The following TMC7 variants were observed in gnomAD, a reference collection of about 807,000 sequenced individuals.
TMC7 encodes transmembrane channel-like protein 7.
A neutral mutation model predicts 82.9 loss-of-function variants in TMC7; 54 were observed. The observed-to-expected ratio is 0.65, with a 90% CI of 0.52 to 0.82. The LOEUF (loss-of-function observed/expected upper bound fraction) is 0.82. Among genes scored for constraint, TMC7 ranks in the 40% least tolerant of loss-of-function variants. The probability of loss-of-function intolerance (pLI) is 0.00; values close to 1 mark genes in which losing one functional copy is unlikely to be tolerated. For synonymous variants in TMC7, 350 were observed against 337.9 expected, an observed-to-expected ratio of 1.04 and a Z score of -0.39; for missense variants, 820 against 901.2, an observed-to-expected ratio of 0.91 and a Z score of 1.15.
rs71143826 is a variant in TMC7, at chr16:19,054,740, C to CTT, written c.1872-1781_1872-1780dup. Among the ~76,000 whole-genome samples, 476 of 63,112 alleles carry CTT rather than the reference C, an allele frequency of 7.5e-3. 1 individual carries two copies. Among genetic ancestry groups the CTT allele is most frequent in the African/African-American group, 0.012 (206 of 17,198 alleles). 41.4% of individuals were successfully genotyped at this position (63,112 alleles called of 152,430 possible). A position where few individuals can be genotyped will look rare whatever the true frequency, so the allele number is the denominator to read the frequency against. ...TCAAAAAAAAAAAGCATGGGATTTG[C>CTT]TTTTTTTTTTTTTTTTTTTTTTGAG... On this transcript the variant is annotated intron_variant, in intron 13 of 15. Transcript: ENST00000304381.
chr16:18,999,798 C>G (rs560680190), intron 1 of TMC7, among the ~76,000 whole-genome samples: 13 of 152,250 alleles, frequency 8.5e-5, no homozygotes, highest in Admixed American at 4.6e-4. Context: ...GAGTCTCGCC[C>G]TGTTGCCCAG....
chr16:19,045,062 C>T, intron 10 of TMC7, 61 bp downstream of exon 10: 2 of 1,313,576 alleles, frequency 1.5e-6, no homozygotes, highest in Non-Finnish European at 2.2e-6. Flanking sequence ...GTGTCATGGT[C>T]AAGAGAACAG....
At chr16:18,987,157 G>C (rs1180900469) in intron 1 of TMC7, among the ~76,000 whole-genome samples, 1 of 152,118 alleles carries the variant, frequency 6.6e-6, no homozygotes, top group Non-Finnish European at 1.5e-5. Flanking sequence ...TGTCATGTCA[G>C]AGAGGCAGAC....
intron 1 of TMC7, among the ~76,000 whole-genome samples, chr16:18,993,898 G>T (rs1455801946): frequency 6.6e-6 from 1 of 152,202 alleles, no homozygotes; most frequent in Non-Finnish European, 1.5e-5. Context: ...AATGATAGAT[G>T]TGGAAGATAC....
chr16:18,990,055 A>C (rs545827428), intron 1 of TMC7, among the ~76,000 whole-genome samples: 173 of 152,152 alleles, frequency 1.1e-3, no homozygotes, highest in Non-Finnish European at 1.9e-3. Flanking sequence ...AGTTAAGAGC[A>C]ATGTTTTGCA....
intron 1 of TMC7, among the ~76,000 whole-genome samples, chr16:18,996,289 A>G (rs535723219): frequency 1.3e-5 from 2 of 152,298 alleles, no homozygotes; most frequent in South Asian, 4.1e-4. Context: ...CTGAGGGAAC[A>G]GACAGGAGAA....
At position 18,992,808 on chromosome 16, in the gene TMC7, C is replaced by T. The variant is rs568978035; in HGVS notation, c.67+8678C>T. On this transcript the variant is annotated intron_variant, in intron 1 of 15. Transcript: ENST00000304381. ...AAGGAAGGGATCCAGTTTCAGCTTT[C>T]TACATATGGCTAGCCAGTTTTCCCA... is the stretch of plus-strand genomic sequence containing the variant. Among the ~76,000 whole-genome samples, 6 of 152,284 alleles carry T rather than the reference C, an allele frequency of 3.9e-5. No individual in the cohort carries two copies. The East Asian group carries it at 1.2e-3, about 29-fold the overall frequency.
chr16:19,025,132 G>GTC (rs1273787821), intron 5 of TMC7, among the ~76,000 whole-genome samples: 1 of 152,036 alleles, frequency 6.6e-6, no homozygotes, highest in East Asian at 1.9e-4. Flanking sequence ...TGTATCCCTG[G>GTC]TCTCTACCCA....
chr16:18,992,225 T>C (rs2142121493), intron 1 of TMC7, among the ~76,000 whole-genome samples: 1 of 152,308 alleles, frequency 6.6e-6, no homozygotes, highest in Admixed American at 6.5e-5. Flanking sequence ...AGTGTAAAAG[T>C]GTTCCTATTT....
At chr16:19,035,561 A>G in intron 6 of TMC7, 115 bp from the exon 7 acceptor site, 1 of 1,265,364 alleles carries the variant, frequency 7.9e-7, no homozygotes, top group Non-Finnish European at 1.1e-6. Context: ...TGACCATGTC[A>G]CAATGGGCTG....
intron 5 of TMC7, among the ~76,000 whole-genome samples, chr16:19,024,823 G>A (rs929114130): frequency 3.3e-5 from 5 of 151,918 alleles, no homozygotes; most frequent in African/African-American, 1.2e-4. Flanking sequence ...TGGCTAACAC[G>A]GTAAAACCCC....
chr16:19,060,244 G>C (rs13330528), intron 15 of TMC7, among the ~76,000 whole-genome samples: 1 of 151,904 alleles, frequency 6.6e-6, no homozygotes, highest in African/African-American at 2.4e-5. Flanking sequence ...TCACTCTCTC[G>C]CCCAGGCTGG....
At chr16:19,021,526 C>T in intron 3 of TMC7, 103 bp from the exon 4 acceptor site, 2 of 1,254,140 alleles carry the variant, frequency 1.6e-6, no homozygotes, top group East Asian at 2.4e-5. Flanking sequence ...TTCCTCCTTC[C>T]AGCTACTGAT....
intron 2 of TMC7, among the ~76,000 whole-genome samples, chr16:19,015,572 T>G (rs1959642117): frequency 7.2e-6 from 1 of 139,374 alleles, no homozygotes; most frequent in East Asian, 2.1e-4. Flanking sequence ...CAAGACAAGT[T>G]TTTTTTTTTT....
At chr16:18,998,477 G>A (rs1197614467) in intron 1 of TMC7, among the ~76,000 whole-genome samples, 1 of 152,186 alleles carries the variant, frequency 6.6e-6, no homozygotes, top group African/African-American at 2.4e-5. Context: ...GGGCTTGGCT[G>A]GACGCGGTGG....
intron 5 of TMC7, among the ~76,000 whole-genome samples, chr16:19,023,749 A>G (rs1960094550): frequency 6.6e-6 from 1 of 152,170 alleles, no homozygotes; most frequent in Non-Finnish European, 1.5e-5. Flanking sequence ...ACCGGCCTCT[A>G]GTCCTTCAAT....
intron 2 of TMC7, among the ~76,000 whole-genome samples, chr16:19,012,728 G>A (rs1412709937): frequency 7.2e-6 from 1 of 138,818 alleles, no homozygotes; most frequent in Non-Finnish European, 1.5e-5. Flanking sequence ...GGCGGAGGTT[G>A]CAGTGAGCCA....
At position 19,016,543 on chromosome 16, in the gene TMC7, T is replaced by G. The variant is rs1249164378; in HGVS notation, c.405T>G (p.Ala135=). The G allele has an allele frequency of 6.2e-7, 1 of 1,614,006 alleles. No homozygotes were observed. The highest frequency in any genetic ancestry group is 1.7e-5 in the Admixed American group (1 of 59,990). The change falls in exon 3 of 16, where the codon GCT becomes GCG. Residue 135 remains alanine, a synonymous_variant. Coordinates refer to ENST00000304381, the MANE Select transcript of TMC7 (RefSeq NM_024847.4). ...SKSWKRFLEK[A]REMTTHLELW... ...CTTGGAAGAGGTTCCTAGAGAAGGC[T>G]CGAGAGATGACGACCCACCTGGAGC...
At chr16:19,004,055 A>G (rs920111787) in intron 1 of TMC7, among the ~76,000 whole-genome samples, 25 of 151,998 alleles carry the variant, frequency 1.6e-4, no homozygotes, top group African/African-American at 5.8e-4. Context: ...AAAAAAAAAA[A>G]AAAATACCAG....
Sources: gnomAD v4.1 joint callset for allele counts (sites outside exome capture counted in the v4.1 genomes callset) on GRCh38, gnomAD v4.1.1 for gene constraint, MANE v1.5 for transcripts, NCBI Gene and HGNC (gene_info 2026-07-23, HGNC 2026-07-21) for gene names.